MTA3: variants seen among roughly 807,000 people sequenced by gnomAD.
MTA3 encodes metastasis associated 1 family member 3, also known as metastasis-associated protein MTA3.
In MTA3, 34 loss-of-function variants were observed where a neutral mutation model predicts 83.5. The ratio of observed to expected loss-of-function variants is 0.41; its 90% CI spans 0.31 to 0.54. The LOEUF is 0.54. Ranked by LOEUF, MTA3 falls within the 20% of genes least tolerant of loss-of-function variation. MTA3 has a pLI of 0.33. For missense variants in MTA3, 761 were observed against 726.4 expected, an observed-to-expected ratio of 1.05 and a Z score of -0.55; for synonymous variants, 303 against 252.7, an observed-to-expected ratio of 1.20 and a Z score of -1.89.
intron 14 of MTA3, among the ~76,000 whole-genome samples, chr2:42,715,540 A>G (rs1318557168): frequency 1.3e-5 from 2 of 151,410 alleles, no homozygotes; most frequent in African/African-American, 4.9e-5. Context: ...GAGTAGCTGG[A>G]ACTTTCTATA....
intron 2 of MTA3, among the ~76,000 whole-genome samples, chr2:42,516,600 C>T (rs1675154822): frequency 1.3e-5 from 2 of 152,132 alleles, no homozygotes; most frequent in Non-Finnish European, 1.5e-5. Flanking sequence ...AAATGGCTCA[C>T]CGGCGGGAAC....
chr2:42,502,172 C>T (rs1572887210), intron 2 of MTA3, among the ~76,000 whole-genome samples: 1 of 152,044 alleles, frequency 6.6e-6, no homozygotes, highest in South Asian at 2.1e-4. Context: ...GCCAACAGGT[C>T]ATAAATGGAT....
intron 3 of MTA3, 116 bp downstream of exon 3, chr2:42,579,316 A>G (rs1399108226): frequency 2.8e-6 from 2 of 721,444 alleles, no homozygotes; most frequent in Non-Finnish European, 4.5e-6. Flanking sequence ...TCTTCTTTGT[A>G]GTTTTGATGG....
At chr2:42,731,632 A>T (rs553615274) in intron 16 of MTA3, among the ~76,000 whole-genome samples, 1 of 152,264 alleles carries the variant, frequency 6.6e-6, no homozygotes, top group South Asian at 2.1e-4. Context: ...GGGAGATACA[A>T]TTCAAGTTGA....
At chr2:42,736,390 C>A (rs566749110) in intron 16 of MTA3, among the ~76,000 whole-genome samples, 4 of 152,286 alleles carry the variant, frequency 2.6e-5, no homozygotes, top group African/African-American at 9.6e-5. Context: ...AGACCTGAAG[C>A]CAACACAGCA....
chr2:42,674,004 C>G (rs1380134167), intron 8 of MTA3, among the ~76,000 whole-genome samples: 1 of 152,244 alleles, frequency 6.6e-6, no homozygotes, highest in Non-Finnish European at 1.5e-5. Context: ...ATACACTCAT[C>G]TGCAGATTGT....
chr2:42,718,400 A>C (rs958883152), intron 14 of MTA3, among the ~76,000 whole-genome samples: 4 of 151,362 alleles, frequency 2.6e-5, no homozygotes, highest in African/African-American at 7.3e-5. Flanking sequence ...GGCATGTGCC[A>C]CCATGCCCAG....
At chr2:42,706,312 G>T (rs1432226420) in intron 12 of MTA3, among the ~76,000 whole-genome samples, 5 of 152,080 alleles carry the variant, frequency 3.3e-5, no homozygotes. Flanking sequence ...TGACTTATTA[G>T]TTCTAAATTA....
intron 3 of MTA3, among the ~76,000 whole-genome samples, chr2:42,595,611 C>T (rs1353488958): frequency 6.6e-6 from 1 of 152,148 alleles, no homozygotes; most frequent in Non-Finnish European, 1.5e-5. Flanking sequence ...TTTTCCGTGA[C>T]TTCTTCTCCT....
intron 4 of MTA3, among the ~76,000 whole-genome samples, chr2:42,615,040 C>T (rs975332551): frequency 4.6e-5 from 7 of 151,404 alleles, no homozygotes; most frequent in East Asian, 3.9e-4. Flanking sequence ...ACTGTAATCC[C>T]GGCACTTCTG....
At position 42,630,505 on chromosome 2, in the gene MTA3, A is replaced by G. The variant is rs186503804; in HGVS notation, c.318-9668A>G. Reference sequence around the variant, plus strand: ...ATGAGGTATGTATGTTTGTATGTCTAAGTAAATTGTGGAGTAAATTATGAT... The same window carrying G: ...ATGAGGTATGTATGTTTGTATGTCTGAGTAAATTGTGGAGTAAATTATGAT... On this transcript the variant is annotated intron_variant, in intron 4 of 16. Coordinates refer to ENST00000405094, the MANE Select transcript of MTA3 (RefSeq NM_001330442.2). 5.4e-4 allele frequency among the ~76,000 whole-genome samples: 82 copies of G among 152,344 alleles called. 1 individual carries two copies. Among genetic ancestry groups the G allele is most frequent in the Non-Finnish European group, 4.0e-4 (27 of 68,026 alleles).
intron 3 of MTA3, among the ~76,000 whole-genome samples, chr2:42,591,432 CT>C (rs1420115756): frequency 6.6e-6 from 1 of 152,140 alleles, no homozygotes; most frequent in Non-Finnish European, 1.5e-5. Flanking sequence ...ACACTGTACA[CT>C]TAGGCAACAC....
intron 2 of MTA3, among the ~76,000 whole-genome samples, chr2:42,537,915 G>A (rs1200794485): frequency 6.6e-6 from 1 of 152,054 alleles, no homozygotes; most frequent in African/African-American, 2.4e-5. Context: ...TGACTTCCGG[G>A]TAGTTCAGCA....
chr2:42,554,140 A>G (rs555445443), intron 2 of MTA3, among the ~76,000 whole-genome samples: 3 of 151,508 alleles, frequency 2.0e-5, no homozygotes, highest in African/African-American at 7.3e-5. Flanking sequence ...AAGCTGAGGT[A>G]CGGGAATCGC....
intron 3 of MTA3, 99 bp downstream of exon 3, chr2:42,579,299 C>G (rs1384787837): frequency 1.2e-5 from 10 of 837,120 alleles, no homozygotes; most frequent in African/African-American, 3.5e-5. Flanking sequence ...TTTTGCTTGT[C>G]CATTTATCTT....
intron 2 of MTA3, among the ~76,000 whole-genome samples, chr2:42,560,793 G>C (rs149251535): frequency 0.029 from 4,368 of 152,088 alleles, 88 homozygotes; most frequent in Non-Finnish European, 0.043. Flanking sequence ...TGTAATCCCA[G>C]CTACTCAGGA....
chr2:42,650,544 A>G (rs1303723873), intron 6 of MTA3, among the ~76,000 whole-genome samples: 1 of 151,762 alleles, frequency 6.6e-6, no homozygotes, highest in African/African-American at 2.4e-5. Context: ...GGTTCACGCC[A>G]TTTTCCTGCC....
chr2:42,597,920 G>A (rs1309702990), intron 3 of MTA3, among the ~76,000 whole-genome samples: 2 of 152,020 alleles, frequency 1.3e-5, no homozygotes, highest in Middle Eastern at 3.4e-3. Context: ...GGGGTGAAGC[G>A]ATCTGCCCAC....
chr2:42,615,711 C>CTT (rs35331224), intron 4 of MTA3, among the ~76,000 whole-genome samples: 802 of 59,752 alleles, frequency 0.013, 297 homozygotes, highest in Admixed American at 0.11. Context: ...ATAATCTCTT[C>CTT]TTTTTTTTTT....
Sources: allele counts gnomAD v4.1 joint callset (sites outside exome capture counted in the v4.1 genomes callset), GRCh38; gene constraint gnomAD v4.1.1; transcripts MANE v1.5; gene names NCBI Gene and HGNC (gene_info 2026-07-23, HGNC 2026-07-21).